Variants in NEURL1 observed in about 807,000 individuals in gnomAD.
The protein encoded by NEURL1 is E3 ubiquitin-protein ligase NEURL1.
Under a neutral mutation model 41.2 loss-of-function variants are expected in NEURL1, and 26 were observed. The observed-to-expected ratio is 0.63, with a 90% CI of 0.46 to 0.87. The LOEUF is 0.87. NEURL1 is among the 40% of genes least tolerant of loss of function. NEURL1 has a pLI of 0.00. For missense variants in NEURL1, 761 were observed against 871.1 expected (o/e 0.87, Z 1.59); for synonymous variants, 400 against 402.3 (o/e 0.99, Z 0.07).
At chr10:103,501,693 C>T (rs1326956182) in intron 1 of NEURL1, among the ~76,000 whole-genome samples, 3 of 150,726 alleles carry the variant, frequency 2.0e-5, no homozygotes, top group African/African-American at 7.3e-5. Context: ...AGTGCAATGG[C>T]GTGATCTCAG....
chr10:103,559,654 C>A (rs2035239088), intron 1 of NEURL1, among the ~76,000 whole-genome samples: 1 of 152,032 alleles, frequency 6.6e-6, no homozygotes, highest in Non-Finnish European at 1.5e-5. Flanking sequence ...ATCTCAGCGT[C>A]CACTTCTGTA....
chr10:103,498,463 T>G (rs558337176), intron 1 of NEURL1, among the ~76,000 whole-genome samples: 2 of 152,232 alleles, frequency 1.3e-5, no homozygotes, highest in Non-Finnish European at 2.9e-5. Context: ...CCTGACCTTG[T>G]GATCCGCCCG....
chr10:103,505,989 C>A (rs1293186020), intron 1 of NEURL1, among the ~76,000 whole-genome samples: 1 of 151,994 alleles, frequency 6.6e-6, no homozygotes, highest in Non-Finnish European at 1.5e-5. Context: ...GAGAGAGGGC[C>A]CTTCTTGGGA....
chr10:103,564,443 C>T (rs527836581), intron 1 of NEURL1, among the ~76,000 whole-genome samples: 1 of 152,216 alleles, frequency 6.6e-6, no homozygotes, highest in Admixed American at 6.5e-5. Flanking sequence ...ACGCCCCCCC[C>T]ATTTTGAGGC....
intron 1 of NEURL1, among the ~76,000 whole-genome samples, chr10:103,505,048 C>CTTTT (rs35244731): frequency 6.5e-5 from 9 of 139,462 alleles, no homozygotes; most frequent in Admixed American, 1.4e-4. Flanking sequence ...TCTCCTGTAT[C>CTTTT]TTTTTTTTTT....
intron 1 of NEURL1, among the ~76,000 whole-genome samples, chr10:103,570,285 T>C (rs1464444566): frequency 6.6e-6 from 1 of 152,148 alleles, no homozygotes; most frequent in African/African-American, 2.4e-5. Context: ...CTGCCTGTGC[T>C]GCTGAGACTT....
chr10:103,558,218 C>T lies in NEURL1; in HGVS notation c.86-12654C>T, dbSNP rs891672382. 1.2e-5 allele frequency: 12 copies of T among 985,108 alleles called. No homozygotes were observed. Among genetic ancestry groups the T allele is most frequent in the African/African-American group, 1.8e-5 (1 of 57,120 alleles). The allele number at this position is 985,108 out of a possible 1,614,324, so 61.0% of individuals were successfully genotyped here. A position where few individuals can be genotyped will look rare whatever the true frequency, so the allele number is the denominator to read the frequency against. On this transcript the variant is annotated intron_variant, in intron 1 of 5. Transcript: ENST00000369780. The surrounding 1 kb of genome is among the most constrained non-coding windows in gnomAD (Gnocchi z 4.2). ...AGGGCCTTGGACTTTCGGCTTGATT[C>T]GGGCCAAACATTTTGGATTGCTGCG...
intron 1 of NEURL1, among the ~76,000 whole-genome samples, chr10:103,533,166 A>G (rs79256126): frequency 2.2e-3 from 338 of 151,160 alleles, no homozygotes; most frequent in African/African-American, 7.9e-3. Flanking sequence ...TGACCTCATG[A>G]TCCACCCGCC....
chr10:103,505,886 C>A (rs577992945), intron 1 of NEURL1, among the ~76,000 whole-genome samples: 2 of 152,216 alleles, frequency 1.3e-5, no homozygotes, highest in Non-Finnish European at 2.9e-5. Flanking sequence ...GCTTCCTTGC[C>A]TCTCAGAGGT....
chr10:103,569,545 G>A (rs2035493676), intron 1 of NEURL1, among the ~76,000 whole-genome samples: 1 of 152,238 alleles, frequency 6.6e-6, no homozygotes, highest in Non-Finnish European at 1.5e-5. Context: ...CCTGTAGCCA[G>A]TGCCACTCTC....
In NEURL1 at chr10:103,571,840, CG is replaced by C; in HGVS notation, c.649+20del. 4 of 1,579,228 alleles carry C rather than the reference CG, an allele frequency of 2.5e-6. No individual in the cohort carries two copies. The highest frequency in any genetic ancestry group is 3.4e-6 in the Non-Finnish European group (4 of 1,164,620). On this transcript the variant is annotated intron_variant, in intron 3 of 5. Coordinates refer to ENST00000369780, the MANE Select transcript of NEURL1 (RefSeq NM_004210.5). The stretch of plus-strand genomic sequence containing the variant: ...GCTGCTTGGTGAGTGCCTGCCCCTC[CG>C]GCCCCTTGGTGCAGGGGACACCCCT...
intron 1 of NEURL1, among the ~76,000 whole-genome samples, chr10:103,555,848 G>A (rs1223804283): frequency 6.6e-6 from 1 of 152,210 alleles, no homozygotes; most frequent in East Asian, 1.9e-4. Context: ...CCTGCTTGTC[G>A]GCTCTGGGAT....
In NEURL1 at chr10:103,553,134, AG is replaced by A. The variant is rs1371235602; in HGVS notation, c.86-17736del. 2.6e-5 allele frequency among the ~76,000 whole-genome samples: 4 copies of A among 152,298 alleles called. No individual in the cohort carries two copies. In the South Asian group the frequency reaches 8.3e-4, roughly 32 times the overall value. On this transcript the variant is annotated intron_variant, in intron 1 of 5. Transcript: ENST00000369780. ...GTGTGGAGGGTGACTCTGCTGCTACAGGAACAGCCTCCAAAGCATCTTCTTT... is the reference window on the plus strand; with the variant it reads ...GTGTGGAGGGTGACTCTGCTGCTACAGAACAGCCTCCAAAGCATCTTCTTT...
chr10:103,539,764 G>A (rs1341356446), intron 1 of NEURL1, among the ~76,000 whole-genome samples: 2 of 152,228 alleles, frequency 1.3e-5, no homozygotes, highest in Non-Finnish European at 2.9e-5. Context: ...GTCCAGCTTG[G>A]TGTAGGCATG....
At chr10:103,540,372 C>T (rs561118707) in intron 1 of NEURL1, among the ~76,000 whole-genome samples, 1 of 152,256 alleles carries the variant, frequency 6.6e-6, no homozygotes, top group South Asian at 2.1e-4. Context: ...TCACTGCAAC[C>T]TCTACCTCCC....
intron 1 of NEURL1, 61 bp downstream of exon 1, chr10:103,494,533 G>T: frequency 7.0e-7 from 1 of 1,425,574 alleles, no homozygotes; most frequent in Non-Finnish European, 9.4e-7. Context: ...CCAGGGAGGT[G>T]TGGTTGGGGA....
chr10:103,588,722 G>C (rs1402849880), intron 4 of NEURL1: 3 of 430,662 alleles, frequency 7.0e-6, no homozygotes, highest in South Asian at 3.3e-5. Flanking sequence ...GAGGCTGGCA[G>C]ATCACGAGGT....
chr10:103,585,921 C>G (rs947810601), intron 4 of NEURL1, among the ~76,000 whole-genome samples: 1 of 151,872 alleles, frequency 6.6e-6, no homozygotes, highest in Admixed American at 6.5e-5. Flanking sequence ...AAGGTCCTCA[C>G]CTTTAAGGAA....
chr10:103,499,249 G>T (rs1278523770), intron 1 of NEURL1, among the ~76,000 whole-genome samples: 1 of 152,178 alleles, frequency 6.6e-6, no homozygotes. Context: ...AAGCTGCAAA[G>T]GTTGACTAAG....
Sources: allele counts gnomAD v4.1 joint callset (sites outside exome capture counted in the v4.1 genomes callset), GRCh38; gene constraint gnomAD v4.1.1; non-coding constraint Gnocchi (gnomAD v3.1); transcripts MANE v1.5; gene names NCBI Gene and HGNC (gene_info 2026-07-23, HGNC 2026-07-21).